PCDHA2: variants seen among roughly 807,000 people sequenced by gnomAD.
The protein encoded by PCDHA2 is protocadherin alpha-2.
In PCDHA2, 58 loss-of-function variants were observed where a neutral mutation model predicts 66.0. The ratio of observed to expected loss-of-function variants is 0.88; its 90% CI spans 0.71 to 1.09. The LOEUF is 1.09. Among genes scored for constraint, PCDHA2 ranks in the 50% least tolerant of loss-of-function variants. PCDHA2 has a pLI of 0.00. For missense variants in PCDHA2, 1,267 were observed against 1,242.3 expected (o/e 1.02, Z -0.30); for synonymous variants, 634 against 554.0 (o/e 1.14, Z -2.03).
rs555159922 is a variant in PCDHA2 at position 140,795,320 on chromosome 5, T to A, written c.356T>A (p.Val119Glu). The A allele has an allele frequency of 6.2e-7, 1 of 1,614,132 alleles. No homozygotes were observed. Among genetic ancestry groups the A allele is most frequent in the South Asian group, 1.1e-5 (1 of 91,080 alleles). Reference sequence around the variant, plus strand: ...GACAGGCCGCTGCAGGTTTTCCATGTGGAAGTGGAGGTGAAGGACATTAAC... The same window carrying A: ...GACAGGCCGCTGCAGGTTTTCCATGAGGAAGTGGAGGTGAAGGACATTAAC... ...IVDRPLQVFHVEVEVKDINDN... is the reference protein window; with the variant it reads ...IVDRPLQVFHEEVEVKDINDN... Residue 119 changes from valine (V) to glutamate (E), a missense_variant, in exon 1 of 4, where the codon GTG (valine) becomes GAG (glutamate). Val to Glu is a moderately radical substitution (Grantham distance 121). Transcript: ENST00000526136.
chr5:140,969,222 C>T (rs782010447), intron 1 of PCDHA2: 1 of 1,614,154 alleles, frequency 6.2e-7, no homozygotes, highest in Non-Finnish European at 8.5e-7. Flanking sequence ...GGACCAGGGC[C>T]TTCGGGAGCC....
At chr5:140,855,820 T>C (rs2043635230) in intron 1 of PCDHA2, 2 of 529,480 alleles carry the variant, frequency 3.8e-6, no homozygotes, top group South Asian at 3.2e-5. Flanking sequence ...AGTTGTGAAC[T>C]CATGGAATCG....
intron 1 of PCDHA2, among the ~76,000 whole-genome samples, chr5:140,909,441 C>T (rs971678951): frequency 6.6e-6 from 1 of 152,214 alleles, no homozygotes; most frequent in Non-Finnish European, 1.5e-5. Context: ...AATCCACTGT[C>T]ATTCTCCAAG....
rs782326871 is a variant in PCDHA2 at position 140,795,199 on chromosome 5, C to A, written c.235C>A (p.Leu79Met). The A allele has an allele frequency of 5.0e-6, 8 of 1,614,062 alleles. No individual in the cohort carries two copies. The highest frequency in any genetic ancestry group is 1.3e-5 in the African/African-American group (1 of 74,938). ...ACACGGGGACCTTCTGGAGGTAAAT[C>A]TGCAGAATGGCATTTTGTTTGTGAA... ...KRHGDLLEVN[L>M]QNGILFVNSR... is the part of the protein sequence containing the mutation. The change falls in exon 1 of 4, where the codon CTG (leucine) becomes ATG (methionine). Residue 79 changes from leucine (L) to methionine (M), a missense_variant. By Grantham distance (15) the Leu-to-Met change is conservative. Transcript: ENST00000526136.
At chr5:140,836,935 T>C in intron 1 of PCDHA2, 1 of 475,564 alleles carries the variant, frequency 2.1e-6, no homozygotes. Context: ...CGTAATACTA[T>C]AGATCAAAAT....
chr5:140,869,724 A>G (rs1554163381), intron 1 of PCDHA2: 1 of 1,613,416 alleles, frequency 6.2e-7, no homozygotes. Flanking sequence ...AAACTCCGGA[A>G]CTTAATTTGC....
chr5:140,807,908 G>A (rs781869651), intron 1 of PCDHA2: 1 of 1,614,126 alleles, frequency 6.2e-7, no homozygotes, highest in Non-Finnish European at 8.5e-7. Context: ...CAATGCCCCA[G>A]CTTTTGACAG....
chr5:140,902,324 C>T (rs1554190388), intron 1 of PCDHA2, among the ~76,000 whole-genome samples: 1 of 151,472 alleles, frequency 6.6e-6, no homozygotes, highest in Non-Finnish European at 1.5e-5. Flanking sequence ...AGGTGTAACT[C>T]ACTTCGCCTG....
chr5:140,926,787 A>G, intron 1 of PCDHA2: 2 of 1,420,842 alleles, frequency 1.4e-6, no homozygotes, highest in Non-Finnish European at 1.8e-6. Context: ...GACGGCCGGC[A>G]GGAGCGTGCT....
chr5:140,809,229 G>A, intron 1 of PCDHA2: 2 of 1,614,046 alleles, frequency 1.2e-6, no homozygotes, highest in Non-Finnish European at 1.7e-6. Context: ...GCCTCCTCAC[G>A]GGCGTTGGTG....
chr5:140,954,836 A>T (rs1185482098), intron 1 of PCDHA2, among the ~76,000 whole-genome samples: 1 of 152,086 alleles, frequency 6.6e-6, no homozygotes, highest in Non-Finnish European at 1.5e-5. Context: ...TTTGTCATGA[A>T]ATCTTTGCCT....
intron 1 of PCDHA2, among the ~76,000 whole-genome samples, chr5:140,977,726 C>T (rs368776202): frequency 2.0e-5 from 3 of 152,290 alleles, no homozygotes; most frequent in African/African-American, 7.2e-5. Flanking sequence ...GATCATTTCT[C>T]TCCTGGGTGT....
rs782626454 is a variant in PCDHA2, at chr5:140,795,808, G to T, written c.844G>T (p.Gly282Cys). 15 of 1,612,920 alleles carry T rather than the reference G, an allele frequency of 9.3e-6. No homozygotes were observed. The highest frequency in any genetic ancestry group is 1.3e-5 in the Non-Finnish European group (15 of 1,179,244). ...GPNSEIVYSL[G>C]SDVSSTIQTK... is the part of the protein sequence containing the mutation. The stretch of plus-strand genomic sequence containing the variant: ...GAACAGCGAGATTGTGTATTCACTC[G>T]GTAGTGATGTGTCCTCCACTATACA... Residue 282 changes from glycine to cysteine, a missense_variant, in exon 1 of 4, where the codon GGT becomes TGT. Physicochemically the swap from Gly to Cys is radical, Grantham distance 159. Coordinates refer to ENST00000526136, the MANE Select transcript of PCDHA2 (RefSeq NM_018905.3).
chr5:140,884,352 A>C, intron 1 of PCDHA2: 1 of 1,613,828 alleles, frequency 6.2e-7, no homozygotes, highest in African/African-American at 1.3e-5. Context: ...GCGCTGGTGG[A>C]TGTCAATGTT....
intron 1 of PCDHA2, chr5:140,842,103 T>C: frequency 6.2e-7 from 1 of 1,613,846 alleles, no homozygotes; most frequent in Non-Finnish European, 8.5e-7. Flanking sequence ...GGAACAACAG[T>C]TATCAAACTG....
At chr5:140,863,013 C>A (rs1274171221) in intron 1 of PCDHA2, 1 of 552,838 alleles carries the variant, frequency 1.8e-6, no homozygotes, top group Admixed American at 1.9e-5. Flanking sequence ...AGCTATGACG[C>A]CTGGTTGTCG....
Position 140,849,589 on chromosome 5 carries a change from T to C in PCDHA2, c.2388+52237T>C, listed in dbSNP as rs2150441752. On this transcript the variant is annotated intron_variant, in intron 1 of 3. Transcript: ENST00000526136. The stretch of plus-strand genomic sequence containing the variant: ...GTTCCTGTAAAAGAGGACGCACAAC[T>C]GGGGACAGTTATTGCCCTGATTAGT... 3.8e-6 allele frequency: 6 copies of C among 1,598,582 alleles called. No individual in the cohort carries two copies. The Admixed American group carries it at 6.7e-5, about 18-fold the overall frequency.
intron 1 of PCDHA2, chr5:140,801,525 G>C: frequency 1.2e-6 from 2 of 1,614,230 alleles, no homozygotes; most frequent in Non-Finnish European, 1.7e-6. Context: ...GGAGGTGATC[G>C]TGGACAGGCC....
At chr5:140,867,507 C>A (rs190699676) in intron 1 of PCDHA2, 36 of 152,086 alleles carry the variant, frequency 2.4e-4, no homozygotes, top group African/African-American at 7.5e-4. Context: ...AGAACAAAAT[C>A]TCAAATTAAT....
Sources: allele counts gnomAD v4.1 joint callset (sites outside exome capture counted in the v4.1 genomes callset), GRCh38; gene constraint gnomAD v4.1.1; transcripts MANE v1.5; gene names NCBI Gene and HGNC (gene_info 2026-07-23, HGNC 2026-07-21).